DPP6: variants seen among roughly 807,000 people sequenced by gnomAD.
DPP6 encodes A-type potassium channel modulatory protein DPP6.
Under a neutral mutation model 122.6 loss-of-function variants are expected in DPP6, and 69 were observed. The ratio of observed to expected loss-of-function variants is 0.56; its 90% CI spans 0.46 to 0.69. DPP6 has a LOEUF of 0.69. Ranked by LOEUF, DPP6 falls within the 30% of genes least tolerant of loss-of-function variation. DPP6 has a pLI of 0.00. For synonymous variants in DPP6, 418 were observed against 433.1 expected (o/e 0.97, Z 0.43); for missense variants, 928 against 1,116.9 (o/e 0.83, Z 2.41).
At chr7:154,278,977 ATGTG>A (rs1251221453) in intron 1 of DPP6, among the ~76,000 whole-genome samples, 5 of 151,582 alleles carry the variant, frequency 3.3e-5, no homozygotes, top group Non-Finnish European at 7.4e-5. Context: ...GTGTGTATAT[ATGTG>A]TGTGTGCAGT....
At chr7:154,323,576 T>A (rs1490061529) in intron 1 of DPP6, among the ~76,000 whole-genome samples, 1 of 152,244 alleles carries the variant, frequency 6.6e-6, no homozygotes, top group African/African-American at 2.4e-5. Context: ...TGAGGTTTTA[T>A]TGACCCATTT....
Position 154,548,070 on chromosome 7 carries a change from G to A in DPP6, c.552+7444G>A, listed in dbSNP as rs551331220. Reference sequence around the variant, plus strand: ...CTAAAAATAAAAAAATTAGTGTGGCGTGGTGGCAGGCGCCTGTAATCCCAG... The same window carrying A: ...CTAAAAATAAAAAAATTAGTGTGGCATGGTGGCAGGCGCCTGTAATCCCAG... On this transcript the variant is annotated intron_variant, in intron 4 of 25. Transcript: ENST00000377770. 2.4e-4 allele frequency among the ~76,000 whole-genome samples: 36 copies of A among 152,086 alleles called. No homozygotes were observed. The Middle Eastern group carries it at 0.01, about 43-fold the overall frequency.
intron 1 of DPP6, among the ~76,000 whole-genome samples, chr7:154,008,532 G>A (rs1444128579): frequency 1.3e-5 from 2 of 152,058 alleles, no homozygotes; most frequent in Non-Finnish European, 2.9e-5. Context: ...ACATTTCTAT[G>A]TAGAAGTAGA....
chr7:153,944,409 G>A lies in DPP6; in HGVS notation c.51+56675G>A, dbSNP rs140271966. Among the ~76,000 whole-genome samples the A allele has an allele frequency of 1.1e-4, 16 of 152,272 alleles. No individual in the cohort carries two copies. In the East Asian group the frequency reaches 2.1e-3, roughly 20 times the overall value. On this transcript the variant is annotated intron_variant, in intron 1 of 25. Transcript: ENST00000404039. ...CTGCCGGGTCATGTGATGTTGCAGC[G>A]GTGTTCTGGAGGACACCAGGAGGGA...
At chr7:154,221,489 G>C (rs898170775) in intron 1 of DPP6, among the ~76,000 whole-genome samples, 4 of 152,078 alleles carry the variant, frequency 2.6e-5, no homozygotes. Flanking sequence ...AATCTGGGGG[G>C]CATCAGACCC....
At chr7:154,024,036 G>A (rs1035110929) in intron 1 of DPP6, among the ~76,000 whole-genome samples, 7 of 152,082 alleles carry the variant, frequency 4.6e-5, no homozygotes, top group Non-Finnish European at 8.8e-5. Context: ...GGAGCTTCTG[G>A]TGCTACATCC....
rs750212774 is a variant in DPP6 at position 154,769,522 on chromosome 7, C to G, written c.989C>G (p.Thr330Ser). 1 of 1,613,524 alleles carries G rather than the reference C, an allele frequency of 6.2e-7. No individual in the cohort carries two copies. Residue 330 changes from threonine to serine, a missense_variant, in exon 9 of 26, where the codon ACT becomes AGT. Transcript: ENST00000377770. ...CGTGTCCCCATCATGGAGCTCCCAA[C>G]TTACACCGGCTCCATCTACCCCACC... The part of the protein sequence containing the change: ...DSRVPIMELP[T>S]YTGSIYPTVK...
chr7:153,995,395 G>T (rs71530476), intron 1 of DPP6, among the ~76,000 whole-genome samples: 7 of 152,064 alleles, frequency 4.6e-5, no homozygotes, highest in South Asian at 4.2e-4. Flanking sequence ...GACCATCCTG[G>T]CTAACACGGT....
At chr7:154,314,116 G>C (rs1000446378) in intron 1 of DPP6, among the ~76,000 whole-genome samples, 3 of 152,160 alleles carry the variant, frequency 2.0e-5, no homozygotes, top group Non-Finnish European at 2.9e-5. Context: ...ACTTACGGGG[G>C]AGTTGGGAGA....
At chr7:154,064,143 C>G (rs531446124) in intron 1 of DPP6, among the ~76,000 whole-genome samples, 3 of 152,268 alleles carry the variant, frequency 2.0e-5, no homozygotes, top group Non-Finnish European at 2.9e-5. Flanking sequence ...GGACACTCAT[C>G]TACCCTGTAC....
chr7:154,133,611 A>G (rs1380850246), intron 1 of DPP6, among the ~76,000 whole-genome samples: 1 of 152,196 alleles, frequency 6.6e-6, no homozygotes, highest in Admixed American at 6.5e-5. Flanking sequence ...TTTTTGTACA[A>G]TTTGGAGTTA....
chr7:153,948,149 C>A (rs1802032794), intron 1 of DPP6, among the ~76,000 whole-genome samples: 1 of 152,124 alleles, frequency 6.6e-6, no homozygotes, highest in Non-Finnish European at 1.5e-5. Context: ...TGAAGGGATA[C>A]AATCAACTCA....
At chr7:153,893,439 G>T (rs1056461205) in intron 1 of DPP6, among the ~76,000 whole-genome samples, 10 of 152,218 alleles carry the variant, frequency 6.6e-5, no homozygotes, top group African/African-American at 2.4e-4. Flanking sequence ...TTGAGCGGAT[G>T]AATTCGTTAA....
rs527395533 is a variant in DPP6 at position 154,133,731 on chromosome 7, A to T, written c.243+80668A>T. Among the ~76,000 whole-genome samples the T allele has an allele frequency of 4.8e-4, 73 of 151,002 alleles. No individual in the cohort carries two copies. In the South Asian group the frequency reaches 7.8e-3, roughly 16 times the overall value. ...TCCCCACTGTATCTGGGACAGAGTC[A>T]TTTAATTTCAGTAGTGGCTTTTGAA... On this transcript the variant is annotated intron_variant, in intron 1 of 25. Transcript: ENST00000377770.
At chr7:154,892,288 G>A in intron 25 of DPP6, 46 bp from the exon 26 acceptor site, 2 of 1,613,418 alleles carry the variant, frequency 1.2e-6, no homozygotes, top group Non-Finnish European at 8.5e-7. Flanking sequence ...CCGTCCCCTG[G>A]GGAGCGTATA....
At chr7:153,763,892 G>A in the DPP6 span, among the ~76,000 whole-genome samples, 1 of 152,170 alleles carries the variant, frequency 6.6e-6, no homozygotes, top group African/African-American at 2.4e-5. Flanking sequence ...AAAATGATGT[G>A]TAATGTACAA....
the DPP6 span, among the ~76,000 whole-genome samples, chr7:153,860,529 G>A: frequency 1.3e-5 from 2 of 152,106 alleles, no homozygotes; most frequent in South Asian, 2.1e-4. Flanking sequence ...CCCTTCCCGG[G>A]TTGCAGGGCC....
chr7:154,083,659 A>G (rs2907733), intron 1 of DPP6, among the ~76,000 whole-genome samples: 5 of 147,612 alleles, frequency 3.4e-5, no homozygotes, highest in Non-Finnish European at 5.9e-5. Flanking sequence ...AAATAAAGGA[A>G]AAAGCAGAGA....
intron 1 of DPP6, among the ~76,000 whole-genome samples, chr7:153,942,905 C>T (rs1273675472): frequency 6.6e-6 from 1 of 152,188 alleles, no homozygotes; most frequent in Non-Finnish European, 1.5e-5. Flanking sequence ...CTGTTGAATG[C>T]CCATGCTCAG....
Sources: gnomAD v4.1 joint callset for allele counts (sites outside exome capture counted in the v4.1 genomes callset) on GRCh38, gnomAD v4.1.1 for gene constraint, MANE v1.5 for transcripts, NCBI Gene and HGNC (gene_info 2026-07-23, HGNC 2026-07-21) for gene names.